Variants in IL1RAPL2 observed in about 807,000 individuals in gnomAD.
The protein encoded by IL1RAPL2 is X-linked interleukin-1 receptor accessory protein-like 2.
IL1RAPL2 carries 3 observed loss-of-function variants against 44.1 expected under a neutral mutation model. The ratio of observed to expected loss-of-function variants is 0.07; its 90% CI spans 0.03 to 0.18. The LOEUF (loss-of-function observed/expected upper bound fraction) is 0.18, where lower values mean the gene tolerates loss of function less well. Ranked by LOEUF, IL1RAPL2 falls within the 10% of genes least tolerant of loss-of-function variation. The probability of loss-of-function intolerance (pLI) is 1.00; values close to 1 mark genes in which losing one functional copy is unlikely to be tolerated. For missense variants in IL1RAPL2, 391 were observed against 496.4 expected, an observed-to-expected ratio of 0.79 and a Z score of 2.02; for synonymous variants, 181 against 178.8, an observed-to-expected ratio of 1.01 and a Z score of -0.10.
At chrX:104,696,773 G>A (rs982450292) in intron 2 of IL1RAPL2, among the ~76,000 whole-genome samples, 50 of 111,828 alleles carry the variant, frequency 4.5e-4, no homozygotes, top group African/African-American at 1.6e-3. Flanking sequence ...ACTAAGTGAG[G>A]TATGTAGGCA....
At chrX:104,757,621 T>A (rs1357432502) in intron 2 of IL1RAPL2, among the ~76,000 whole-genome samples, 1 of 111,628 alleles carries the variant, frequency 9.0e-6, no homozygotes, top group Non-Finnish European at 1.9e-5. Flanking sequence ...TCTCTTTTCT[T>A]GGGAAAAAGT....
chrX:105,765,408 ATT>A (rs906634883), intron 10 of IL1RAPL2: 1 of 111,411 alleles, frequency 9.0e-6, no homozygotes, highest in Non-Finnish European at 1.9e-5. Flanking sequence ...TTTTTGTTTC[ATT>A]TTGTTTTTGC....
intron 6 of IL1RAPL2, among the ~76,000 whole-genome samples, chrX:105,577,914 G>A (rs1422185207): frequency 9.1e-6 from 1 of 110,473 alleles, no homozygotes; most frequent in Non-Finnish European, 1.9e-5. Context: ...AAGTTTTAGG[G>A]TAGATGTGTA....
At chrX:105,003,459 T>G (rs1439148792) in intron 2 of IL1RAPL2, among the ~76,000 whole-genome samples, 1 of 111,394 alleles carries the variant, frequency 9.0e-6, no homozygotes, top group African/African-American at 3.3e-5. Flanking sequence ...GTTTAGCAAT[T>G]TTTCACATCA....
intron 2 of IL1RAPL2, among the ~76,000 whole-genome samples, chrX:105,171,169 G>T (rs986571479): frequency 1.8e-5 from 2 of 111,624 alleles, no homozygotes; most frequent in Non-Finnish European, 1.9e-5. Context: ...TCACCATTTT[G>T]GTCTCAAAAT....
At chrX:104,640,655 AC>A (rs1158863521) in intron 1 of IL1RAPL2, among the ~76,000 whole-genome samples, 1 of 111,964 alleles carries the variant, frequency 8.9e-6, no homozygotes, top group East Asian at 2.8e-4. Context: ...ATAGGGGAGT[AC>A]TTTTTCCTGA....
intron 6 of IL1RAPL2, among the ~76,000 whole-genome samples, chrX:105,551,301 A>C (rs2036852777): frequency 9.3e-6 from 1 of 107,420 alleles, no homozygotes; most frequent in Non-Finnish European, 1.9e-5. Context: ...AAAAAAAAAA[A>C]CAACAACAAC....
chrX:105,417,951 C>T (rs1369325156), intron 5 of IL1RAPL2, among the ~76,000 whole-genome samples: 3 of 111,752 alleles, frequency 2.7e-5, no homozygotes, highest in Non-Finnish European at 5.6e-5. Context: ...ATTCATTTAT[C>T]AAGGTACAAC....
At chrX:105,180,227 C>T (rs1216785848) in intron 2 of IL1RAPL2, among the ~76,000 whole-genome samples, 3 of 110,575 alleles carry the variant, frequency 2.7e-5, no homozygotes, top group Non-Finnish European at 5.7e-5. Flanking sequence ...ATCCCAGCTA[C>T]TTGGGAGGCT....
chrX:105,476,512 G>C (rs1024993948), intron 5 of IL1RAPL2, among the ~76,000 whole-genome samples: 3 of 111,582 alleles, frequency 2.7e-5, no homozygotes, highest in African/African-American at 9.8e-5. Context: ...TGTTTTTTGT[G>C]GTGAGCCTAT....
chrX:105,341,209 A>G (rs909490308), intron 5 of IL1RAPL2, among the ~76,000 whole-genome samples: 5 of 111,581 alleles, frequency 4.5e-5, no homozygotes, highest in Non-Finnish European at 7.5e-5. Flanking sequence ...CATACTTGCA[A>G]TTGCTTACTT....
At chrX:104,912,857 T>A (rs1175839237) in intron 2 of IL1RAPL2, among the ~76,000 whole-genome samples, 2 of 112,194 alleles carry the variant, frequency 1.8e-5, no homozygotes, top group Admixed American at 9.5e-5. Flanking sequence ...ATAAGTACAT[T>A]GTGTAAGTAC....
intron 5 of IL1RAPL2, among the ~76,000 whole-genome samples, chrX:105,414,662 T>C (rs762978418): frequency 1.8e-5 from 2 of 111,578 alleles, no homozygotes; most frequent in East Asian, 5.7e-4. Flanking sequence ...ATTCATTTGA[T>C]TGAAAAGCTC....
At chrX:104,889,340 G>A (rs976408721) in intron 2 of IL1RAPL2, among the ~76,000 whole-genome samples, 1 of 111,460 alleles carries the variant, frequency 9.0e-6, no homozygotes, top group Non-Finnish European at 1.9e-5. Context: ...TAGAACACAG[G>A]GAGCCACTCA....
chrX:105,273,170 A>C (rs1028849484), intron 5 of IL1RAPL2, among the ~76,000 whole-genome samples: 16 of 111,831 alleles, frequency 1.4e-4, no homozygotes, highest in Non-Finnish European at 3.0e-4. Flanking sequence ...ACTGTGCAAC[A>C]TACATTGCGT....
intron 6 of IL1RAPL2, among the ~76,000 whole-genome samples, chrX:105,670,716 C>T (rs1396690182): frequency 1.8e-5 from 2 of 109,601 alleles, no homozygotes; most frequent in Non-Finnish European, 3.8e-5. Context: ...ATCCAATTCA[C>T]GAACACACTG....
At chrX:104,568,057 T>C (rs1223356752) in intron 1 of IL1RAPL2, among the ~76,000 whole-genome samples, 2 of 111,653 alleles carry the variant, frequency 1.8e-5, no homozygotes, top group African/African-American at 6.5e-5. Context: ...AAAGTACTTC[T>C]CAGTTGAAAG....
chrX:105,676,410 C>T (rs188850087), intron 6 of IL1RAPL2, among the ~76,000 whole-genome samples: 1,628 of 111,424 alleles, frequency 0.015, 30 homozygotes, highest in African/African-American at 0.05. Flanking sequence ...GGCAGGAGAG[C>T]TTTTCAGTCT....
rs754266524 is a variant in IL1RAPL2 at position 105,704,023 on chromosome X, T to C, written c.773-13344T>C. ...TTTAGCATGTACTGAAAGCACACAA[T>C]GTGCAAAACACTCTGCTAGGCTTTT... On this transcript the variant is annotated intron_variant, in intron 6 of 10. Coordinates refer to ENST00000372582, the MANE Select transcript of IL1RAPL2 (RefSeq NM_017416.2). Among the ~76,000 whole-genome samples the C allele has an allele frequency of 1.8e-3, 201 of 111,980 alleles. 2 individuals are homozygous for C. The highest frequency in any genetic ancestry group is 2.6e-3 in the Non-Finnish European group (139 of 53,100).
Sources: allele counts gnomAD v4.1 joint callset (sites outside exome capture counted in the v4.1 genomes callset), GRCh38; gene constraint gnomAD v4.1.1; transcripts MANE v1.5; gene names NCBI Gene and HGNC (gene_info 2026-07-23, HGNC 2026-07-21).